AJAP1: variants seen among roughly 807,000 people sequenced by gnomAD.
The protein encoded by AJAP1 is adherens junctions associated protein 1, also known as adherens junction-associated protein 1.
Under a neutral mutation model 35.0 loss-of-function variants are expected in AJAP1, and 5 were observed. That is an observed-to-expected ratio of 0.14 (90% CI 0.07 to 0.30). AJAP1 has a LOEUF of 0.30. AJAP1 is among the 10% of genes least tolerant of loss of function. The pLI is 1.00. For missense variants in AJAP1, 586 were observed against 571.0 expected (o/e 1.03, Z -0.27); for synonymous variants, 284 against 249.3 (o/e 1.14, Z -1.31).
chr1:4,782,504 C>G lies in AJAP1; in HGVS notation c.*60-41C>G, dbSNP rs754337524. 2.0e-5 allele frequency: 7 copies of G among 351,966 alleles called. No individual in the cohort carries two copies. The highest frequency in any genetic ancestry group is 1.0e-5 in the Non-Finnish European group (2 of 197,026). 21.8% of individuals were successfully genotyped at this position (351,966 alleles called of 1,614,324 possible). On this transcript the variant is annotated intron_variant, in intron 5 of 5. Transcript: ENST00000378191. The surrounding 1 kb of genome is among the most constrained non-coding windows in gnomAD (Gnocchi z 5.3). ...CCCCACAGACTTGTCGCGCCCTCGG[C>G]GTGCTGCCATTTAATCTCTTCTTGT... is the stretch of plus-strand genomic sequence containing the variant.
intron 1 of AJAP1, among the ~76,000 whole-genome samples, chr1:4,678,588 A>G (rs1404296577): frequency 6.6e-6 from 1 of 152,202 alleles, no homozygotes; most frequent in Non-Finnish European, 1.5e-5. Context: ...GAGAACTCAC[A>G]ATAAGCCAGC....
intron 2 of AJAP1, among the ~76,000 whole-genome samples, chr1:4,762,616 G>A (rs183369520): frequency 3.9e-5 from 6 of 152,326 alleles, no homozygotes; most frequent in Admixed American, 3.3e-4. Flanking sequence ...GGTCTCCCCT[G>A]GACTCTGTCC....
chr1:4,730,594 G>T (rs1640775672), intron 2 of AJAP1, among the ~76,000 whole-genome samples: 1 of 152,170 alleles, frequency 6.6e-6, no homozygotes, highest in Admixed American at 6.5e-5. Context: ...ACCTCTGCGG[G>T]GCTGCCCCTC....
Position 4,728,440 on chromosome 1 carries a change from C to T in AJAP1, c.829+15741C>T, listed in dbSNP as rs3766963. ...ACACTGCCACAGCCAAATGCACCTG[C>T]GTGTTCCCACCCAGCCCCGGGTTTG... On this transcript the variant is annotated intron_variant, in intron 2 of 5. Transcript: ENST00000378191. Among the ~76,000 whole-genome samples, 1,230 of 152,332 alleles carry T rather than the reference C, an allele frequency of 8.1e-3. 19 individuals carry two copies. Among genetic ancestry groups the T allele is most frequent in the African/African-American group, 0.026 (1,067 of 41,586 alleles).
chr1:4,678,808 C>T (rs982031150), intron 1 of AJAP1, among the ~76,000 whole-genome samples: 1 of 152,210 alleles, frequency 6.6e-6, no homozygotes, highest in Non-Finnish European at 1.5e-5. Flanking sequence ...CGGTCATTTG[C>T]TCTCTTTGGG....
At chr1:4,778,751 C>T (rs1188656942) in intron 5 of AJAP1, among the ~76,000 whole-genome samples, 6 of 152,204 alleles carry the variant, frequency 3.9e-5, no homozygotes, top group African/African-American at 2.4e-5. Flanking sequence ...GCCACCCACT[C>T]GTTGATCCTC....
chr1:4,781,943 G>A (rs1642071989), intron 5 of AJAP1, among the ~76,000 whole-genome samples: 1 of 152,218 alleles, frequency 6.6e-6, no homozygotes, highest in Non-Finnish European at 1.5e-5. Context: ...CCTGTGCCCA[G>A]GTGGGACTCG....
At chr1:4,765,474 A>AGAGAGACATGAGGGAAGAAG (rs1641662805) in intron 2 of AJAP1, among the ~76,000 whole-genome samples, 2 of 148,618 alleles carry the variant, frequency 1.3e-5, no homozygotes, top group South Asian at 2.2e-4. Flanking sequence ...GAGAGTATTG[A>AGAGAGACATGAGGGAAGAAG]GAGAGACATG....
rs945511930 is a variant in AJAP1 at position 4,720,575 on chromosome 1, G to A, written c.829+7876G>A. On this transcript the variant is annotated intron_variant, in intron 2 of 5. Transcript: ENST00000378191. This position sits in a 1 kb window ranked among gnomAD's most constrained non-coding sequence, Gnocchi z 4.4. ...TCTGAATCTTTGCCTGCAAAATGGG[G>A]AAGCAATTTCTTTGTGACAAGGCTG... Among the ~76,000 whole-genome samples the A allele has an allele frequency of 6.6e-6, 1 of 152,216 alleles. No homozygotes were observed. The highest frequency in any genetic ancestry group is 1.5e-5 in the Non-Finnish European group (1 of 68,044).
Position 4,774,489 on chromosome 1 carries a change from TCTC to T in AJAP1, c.1229_1231del (p.Ser410del). On this transcript the variant is annotated inframe_deletion, in exon 5 of 6. Transcript: ENST00000378191. ...TTCGTGTCTGAGAAATGGTTTGAAA[TCTC>T]CTGCTGACTGGCCGAAGTCTTTTTT... 6.2e-7 allele frequency: 1 copy of T among 1,614,134 alleles called. No individual in the cohort carries two copies. Among genetic ancestry groups the T allele is most frequent in the Non-Finnish European group, 8.5e-7 (1 of 1,180,010 alleles).
chr1:4,775,048 TAAGA>T (rs1188619118), intron 5 of AJAP1, among the ~76,000 whole-genome samples: 2 of 151,814 alleles, frequency 1.3e-5, no homozygotes, highest in African/African-American at 4.8e-5. Flanking sequence ...AAATAAGAGA[TAAGA>T]AAGAAAATGA....
intron 1 of AJAP1, among the ~76,000 whole-genome samples, chr1:4,686,376 C>T (rs180869253): frequency 5.3e-5 from 8 of 152,258 alleles, no homozygotes; most frequent in East Asian, 1.9e-4. Context: ...CTTCCTCTGC[C>T]GCACTGCAGC....
chr1:4,780,633 C>CTTTTTTT (rs35738488), intron 5 of AJAP1, among the ~76,000 whole-genome samples: 1 of 131,454 alleles, frequency 7.6e-6, no homozygotes, highest in African/African-American at 2.9e-5. Flanking sequence ...TTCTTTCTTT[C>CTTTTTTT]TTTTTTTTTT....
chr1:4,780,131 CAAAAAAA>C (rs545412869), intron 5 of AJAP1, among the ~76,000 whole-genome samples: 27 of 92,184 alleles, frequency 2.9e-4, no homozygotes, highest in South Asian at 1.2e-3. Context: ...GTGACAGTCT[CAAAAAAA>C]AAAAAAAAAA....
chr1:4,735,809 CCT>C (rs886858932), intron 2 of AJAP1, among the ~76,000 whole-genome samples: 3 of 152,344 alleles, frequency 2.0e-5, no homozygotes, highest in East Asian at 1.9e-4. Context: ...GGGCACAGCC[CCT>C]GTTACCCCTG....
chr1:4,674,471 G>A (rs999340058), intron 1 of AJAP1, among the ~76,000 whole-genome samples: 3 of 152,238 alleles, frequency 2.0e-5, no homozygotes, highest in Non-Finnish European at 1.5e-5. Flanking sequence ...GGCCTGCAAA[G>A]CCTAAAACAT....
chr1:4,720,621 A>G lies in AJAP1; in HGVS notation c.829+7922A>G, dbSNP rs1640494498. On this transcript the variant is annotated intron_variant, in intron 2 of 5. Coordinates refer to ENST00000378191, the MANE Select transcript of AJAP1 (RefSeq NM_018836.4). This position sits in a 1 kb window ranked among gnomAD's most constrained non-coding sequence, Gnocchi z 4.4. ...GGCTGTTCTGAGACTGGACCATGCC[A>G]GCACATGTGGGAAACTGAGCGCCAT... 6.6e-6 allele frequency among the ~76,000 whole-genome samples: 1 copy of G among 152,228 alleles called. No individual in the cohort carries two copies.
chr1:4,657,776 G>A (rs1219646960), intron 1 of AJAP1, among the ~76,000 whole-genome samples: 2 of 152,024 alleles, frequency 1.3e-5, no homozygotes, highest in Non-Finnish European at 1.5e-5. Context: ...GTCTGGGCTT[G>A]GTTATTTACG....
rs539209593 is a variant in AJAP1 at position 4,747,763 on chromosome 1, A to G, written c.830-22090A>G. Among the ~76,000 whole-genome samples the G allele has an allele frequency of 3.9e-5, 6 of 152,224 alleles. No individual in the cohort carries two copies. In the East Asian group the frequency reaches 1.2e-3, roughly 30 times the overall value. On this transcript the variant is annotated intron_variant, in intron 2 of 5. Transcript: ENST00000378191. ...AGCACTTTGGGAGGCTGGGGCAGGC[A>G]GATCACCTGAGGTCAGGAGTTTAAG...
Sources: gnomAD v4.1 joint callset for allele counts (sites outside exome capture counted in the v4.1 genomes callset) on GRCh38, gnomAD v4.1.1 for gene constraint, Gnocchi (gnomAD v3.1) non-coding constraint, MANE v1.5 for transcripts, NCBI Gene and HGNC (gene_info 2026-07-23, HGNC 2026-07-21) for gene names.